The following NUP214 variants were observed in gnomAD, a reference collection of about 807,000 sequenced individuals.
NUP214 encodes the protein nucleoporin 214.
In NUP214, 79 loss-of-function variants were observed where a neutral mutation model predicts 196.2. That is an observed-to-expected ratio of 0.40 (90% CI 0.34 to 0.49). The LOEUF (loss-of-function observed/expected upper bound fraction) is 0.49. Among genes scored for constraint, NUP214 ranks in the 20% least tolerant of loss-of-function variants. NUP214 has a pLI of 0.58. For missense variants in NUP214, 2,468 were observed against 2,539.0 expected (o/e 0.97, Z 0.60); for synonymous variants, 1,020 against 990.5 (o/e 1.03, Z -0.56).
chr9:131,170,190 TAAATA>T (rs1325265887), intron 21 of NUP214, among the ~76,000 whole-genome samples: 4 of 151,824 alleles, frequency 2.6e-5, no homozygotes, highest in Non-Finnish European at 4.4e-5. Flanking sequence ...AATAAAAAAA[TAAATA>T]AATAAAAAAG....
rs772991987 is a variant in NUP214 at position 131,198,299 on chromosome 9, C to T, written c.4805C>T (p.Ser1602Leu). 13 of 1,614,136 alleles carry T rather than the reference C, an allele frequency of 8.1e-6. No individual in the cohort carries two copies. Among genetic ancestry groups the T allele is most frequent in the Admixed American group, 3.3e-5 (2 of 60,016 alleles). The part of the protein sequence containing the change: ...GQTAVTAAAI[S>L]SAGPVAVETS... ...ACTGCTGTCACAGCAGCTGCTATCT[C>T]AAGTGCAGGCCCTGTGGCCGTCGAA... The change falls in exon 29 of 36, where the codon TCA (serine) becomes TTA (leucine). Residue 1602 changes from serine to leucine, a missense_variant. This residue lies in a region of NUP214 where 1,801 missense variants were observed against 1,779.4 expected (regional missense o/e 1.01). Transcript: ENST00000359428.
intron 30 of NUP214, among the ~76,000 whole-genome samples, chr9:131,209,460 A>G (rs1295283741): frequency 6.6e-6 from 1 of 152,156 alleles, no homozygotes; most frequent in East Asian, 1.9e-4. Flanking sequence ...GCACAGTCTC[A>G]GCTCACTGCA....
At chr9:131,219,421 G>A (rs954384156) in intron 31 of NUP214, among the ~76,000 whole-genome samples, 3 of 152,176 alleles carry the variant, frequency 2.0e-5, no homozygotes, top group Admixed American at 2.0e-4. Context: ...GCCCCGGGCT[G>A]CTTTGCCCTG....
At chr9:131,138,328 C>G (rs1335353380) in intron 9 of NUP214, among the ~76,000 whole-genome samples, 1 of 148,230 alleles carries the variant, frequency 6.7e-6, no homozygotes, top group Non-Finnish European at 1.5e-5. Flanking sequence ...AAGTGATTAT[C>G]CTGCCTCAGC....
At position 131,222,971 on chromosome 9, in the gene NUP214, T is replaced by C. The variant is rs1204614783; in HGVS notation, c.5902+41T>C. ...TTTGTTATGGTTATCTTTATATATG[T>C]ATTTGTTTATGCATAGATATCTGGA... On this transcript the variant is annotated intron_variant, in intron 32 of 35. Transcript: ENST00000359428. 5.1e-6 allele frequency: 8 copies of C among 1,577,830 alleles called. No homozygotes were observed. The East Asian group carries it at 1.8e-4, about 35-fold the overall frequency.
chr9:131,197,939 C>T lies in NUP214; in HGVS notation c.4445C>T (p.Thr1482Ile), dbSNP rs1833837592. ...SFGSLLSSATTPSLPMSAGRS... is the reference protein window; with the variant it reads ...SFGSLLSSATIPSLPMSAGRS... ...GGTAGCCTCCTGAGTTCAGCAACTACCCCCTCCCTGCCTATGTCCGCTGGC... is the reference window on the plus strand; with the variant it reads ...GGTAGCCTCCTGAGTTCAGCAACTATCCCCTCCCTGCCTATGTCCGCTGGC... Residue 1482 changes from threonine to isoleucine, a missense_variant, in exon 29 of 36, where the codon ACC (threonine) becomes ATC (isoleucine). Thr to Ile is a moderately conservative substitution (Grantham distance 89, BLOSUM62 -1). This residue lies in a region of NUP214 where 1,801 missense variants were observed against 1,779.4 expected (regional missense o/e 1.01). Coordinates refer to ENST00000359428, the MANE Select transcript of NUP214 (RefSeq NM_005085.4). The T allele has an allele frequency of 1.9e-6, 3 of 1,614,206 alleles. No individual in the cohort carries two copies. Among genetic ancestry groups the T allele is most frequent in the Non-Finnish European group, 2.5e-6 (3 of 1,180,028 alleles).
intron 29 of NUP214, 115 bp downstream of exon 29, chr9:131,199,130 G>A (rs1433390941): frequency 9.2e-6 from 12 of 1,301,600 alleles, no homozygotes; most frequent in African/African-American, 5.9e-5. Context: ...AAAATAATCT[G>A]TAGGTTAAAG....
At position 131,195,228 on chromosome 9, in the gene NUP214, G is replaced by C; in HGVS notation, c.3660-5G>C. 2.3e-5 allele frequency: 37 copies of C among 1,606,790 alleles called. No individual in the cohort carries two copies. Among genetic ancestry groups the C allele is most frequent in the Non-Finnish European group, 3.1e-5 (36 of 1,175,030 alleles). On this transcript the variant is annotated splice_polypyrimidine_tract_variant and splice_region_variant and intron_variant, in intron 27 of 35. Coordinates refer to ENST00000359428, the MANE Select transcript of NUP214 (RefSeq NM_005085.4). ...CTTTTTAATTTCTCTTTTTCCACTT[G>C]TTAGGACTGGCTTTAATTTTGGGAT...
At position 131,125,963 on chromosome 9, in the gene NUP214, G is replaced by A; in HGVS notation, c.45+214G>A. On this transcript the variant is annotated intron_variant, in intron 1 of 35. Transcript: ENST00000359428. The surrounding 1 kb of genome is among the most constrained non-coding windows in gnomAD (Gnocchi z 4.1). ...CATCCTGGTCTCGTGCACGGCTGTT[G>A]AGTTACCCTAGCTACTTCCTGGGGC... 1.7e-6 allele frequency: 1 copy of A among 604,872 alleles called. No homozygotes were observed. Among genetic ancestry groups the A allele is most frequent in the South Asian group, 2.0e-5 (1 of 49,036 alleles). 37.5% of individuals were successfully genotyped at this position (604,872 alleles called of 1,614,324 possible). A position where few individuals can be genotyped will look rare whatever the true frequency, so the allele number is the denominator to read the frequency against.
rs1384248470 is a variant in NUP214 at position 131,178,473 on chromosome 9, G to C, written c.3419+63G>C. 2.7e-6 allele frequency: 3 copies of C among 1,128,398 alleles called. No individual in the cohort carries two copies. In the African/African-American group the frequency reaches 4.6e-5, roughly 17 times the overall value. The allele number at this position is 1,128,398 out of a possible 1,614,324, so 69.9% of individuals were successfully genotyped here. A position where few individuals can be genotyped will look rare whatever the true frequency, so the allele number is the denominator to read the frequency against. On this transcript the variant is annotated intron_variant, in intron 24 of 35. Transcript: ENST00000359428. ...CTTCTGTAGTAGCGGTGGACTGCCTGCAGGGAGCAGCAGTGCCACTGTCAC... is the reference window on the plus strand; with the variant it reads ...CTTCTGTAGTAGCGGTGGACTGCCTCCAGGGAGCAGCAGTGCCACTGTCAC...
chr9:131,212,870 T>C (rs1314688063), intron 30 of NUP214, among the ~76,000 whole-genome samples: 1 of 152,172 alleles, frequency 6.6e-6, no homozygotes, highest in African/African-American at 2.4e-5. Context: ...GAGAAGTACT[T>C]GGGGGTAAAG....
chr9:131,180,172 G>A (rs78323655), intron 24 of NUP214, among the ~76,000 whole-genome samples: 3,715 of 152,282 alleles, frequency 0.024, 56 homozygotes, highest in Non-Finnish European at 0.029. Context: ...GACAACTTAA[G>A]AAATCTTGAA....
chr9:131,134,478 T>C (rs1388262540), intron 7 of NUP214, among the ~76,000 whole-genome samples: 2 of 152,196 alleles, frequency 1.3e-5, no homozygotes, highest in Non-Finnish European at 2.9e-5. Flanking sequence ...ATTTTAAGAT[T>C]AGAGGTTTTT....
intron 24 of NUP214, among the ~76,000 whole-genome samples, chr9:131,178,952 T>TTGG (rs1198187869): frequency 1.3e-5 from 2 of 152,046 alleles, no homozygotes; most frequent in African/African-American, 4.8e-5. Flanking sequence ...ACTTGTTTTT[T>TTGG]TGGTGGTGGT....
chr9:131,197,183 C>G lies in NUP214; in HGVS notation c.3722-33C>G, dbSNP rs768097859. 2.5e-6 allele frequency: 4 copies of G among 1,603,608 alleles called. No individual in the cohort carries two copies. In the South Asian group the frequency reaches 4.4e-5, roughly 18 times the overall value. Reference sequence around the variant, plus strand: ...TGTAATGGGTCATCTTTTGCTAAATCCAACCCATTTTCTGATTTCTTTTTC... The same window carrying G: ...TGTAATGGGTCATCTTTTGCTAAATGCAACCCATTTTCTGATTTCTTTTTC... On this transcript the variant is annotated intron_variant, in intron 28 of 35. Transcript: ENST00000359428.
Position 131,233,465 on chromosome 9 carries a change from G to A in NUP214, c.6251G>A (p.Gly2084Asp), listed in dbSNP as rs745792085. 3.1e-6 allele frequency: 5 copies of A among 1,613,358 alleles called. No homozygotes were observed. In the African/African-American group the frequency reaches 4.0e-5, roughly 13 times the overall value. ...GTGCTTCCTTGCAGGTCTGTCCAGG[G>A]TTTTGGTGGCTGGCGAAGCTGAGGG... is the stretch of plus-strand genomic sequence containing the variant. ...SFGSNNSSVQGFGGWRS is the reference protein window; with the variant it reads ...SFGSNNSSVQDFGGWRS Residue 2084 changes from glycine (G) to aspartate (D), a missense_variant, in exon 36 of 36, where the codon GGT (glycine) becomes GAT (aspartate). Physicochemically the swap from Gly to Asp is moderately conservative, Grantham distance 94 (BLOSUM62 -1). Around this residue, in one of 5 missense-constraint regions of NUP214, gnomAD observed 262 missense variants for 296.5 expected, o/e 0.88. Coordinates refer to ENST00000359428, the MANE Select transcript of NUP214 (RefSeq NM_005085.4).
intron 19 of NUP214, among the ~76,000 whole-genome samples, chr9:131,163,646 T>C (rs1832706632): frequency 2.6e-5 from 4 of 152,184 alleles, no homozygotes; most frequent in African/African-American, 7.2e-5. Context: ...TTAATTACTT[T>C]TTCTACTGAG....
intron 24 of NUP214, among the ~76,000 whole-genome samples, chr9:131,181,519 A>C (rs945735215): frequency 2.0e-5 from 3 of 152,204 alleles, no homozygotes; most frequent in Admixed American, 1.3e-4. Context: ...GGTTATAGTC[A>C]TCCTAGTGGT....
In NUP214 at chr9:131,134,763, A is replaced by T. The variant is rs947843349; in HGVS notation, c.832-135A>T. 4.7e-6 allele frequency: 3 copies of T among 643,342 alleles called. No individual in the cohort carries two copies. The African/African-American group carries it at 5.5e-5, about 12-fold the overall frequency. The allele number at this position is 643,342 out of a possible 1,614,324, so 39.9% of individuals were successfully genotyped here. A position where few individuals can be genotyped will look rare whatever the true frequency, so the allele number is the denominator to read the frequency against. On this transcript the variant is annotated intron_variant, in intron 7 of 35. Coordinates refer to ENST00000359428, the MANE Select transcript of NUP214 (RefSeq NM_005085.4). ...TCCTTGTACTAAGTGCTGCCTTTATACCATGTCCGTATATCTGGACTTTGA... is the reference window on the plus strand; with the variant it reads ...TCCTTGTACTAAGTGCTGCCTTTATTCCATGTCCGTATATCTGGACTTTGA...
Sources: allele counts gnomAD v4.1 joint callset (sites outside exome capture counted in the v4.1 genomes callset), GRCh38; gene constraint gnomAD v4.1.1; regional missense constraint gnomAD v4.1.1; non-coding constraint Gnocchi (gnomAD v3.1); transcripts MANE v1.5; gene names NCBI Gene and HGNC (gene_info 2026-07-23, HGNC 2026-07-21).